DIP2B: variants seen among roughly 807,000 people sequenced by gnomAD.
The protein encoded by DIP2B is disco-interacting protein 2 homolog B.
Under a neutral mutation model 198.0 loss-of-function variants are expected in DIP2B, and 76 were observed. The observed-to-expected ratio is 0.38, with a 90% confidence interval of 0.32 to 0.46. The LOEUF (loss-of-function observed/expected upper bound fraction) is 0.46. DIP2B is among the 20% of genes least tolerant of loss of function. The pLI is 0.99. For synonymous variants in DIP2B, 701 were observed against 739.1 expected, an observed-to-expected ratio of 0.95 and a Z score of 0.84; for missense variants, 1,559 against 1,978.4, an observed-to-expected ratio of 0.79 and a Z score of 4.02.
intron 1 of DIP2B, among the ~76,000 whole-genome samples, chr12:50,611,271 A>G (rs1396809837): frequency 4.6e-5 from 7 of 152,122 alleles, no homozygotes; most frequent in African/African-American, 7.2e-5. Flanking sequence ...GTTTCACTCT[A>G]TTTTAAGTGC....
At chr12:50,514,982 C>G (rs1958050833) in intron 1 of DIP2B, among the ~76,000 whole-genome samples, 1 of 151,602 alleles carries the variant, frequency 6.6e-6, no homozygotes, top group Non-Finnish European at 1.5e-5. Context: ...AAAACACACA[C>G]AAAACTTTGC....
intron 1 of DIP2B, among the ~76,000 whole-genome samples, chr12:50,589,208 AAAAT>A (rs1269047504): frequency 9.9e-5 from 15 of 151,390 alleles, no homozygotes; most frequent in Admixed American, 3.3e-4. Flanking sequence ...AAATAAAATA[AAAAT>A]AAATAAATAA....
At chr12:50,714,627 A>G (rs1440658839) in intron 23 of DIP2B, 31 bp downstream of exon 23, 54 of 1,611,954 alleles carry the variant, frequency 3.3e-5, no homozygotes, top group Non-Finnish European at 3.7e-5. Context: ...ACCTGGCACT[A>G]AAATTCCAAC....
chr12:50,561,028 T>C (rs1958515663), intron 1 of DIP2B, among the ~76,000 whole-genome samples: 2 of 152,202 alleles, frequency 1.3e-5, no homozygotes, highest in African/African-American at 4.8e-5. Flanking sequence ...TAGCAACCTA[T>C]ATAAGAGTGC....
chr12:50,699,189 A>C lies in DIP2B; in HGVS notation c.2312A>C (p.Lys771Thr). ...MMYFGLAGVT[K>T]NTFEVIPVNS... ...TACTTTGGGCTTGCTGGTGTGACAA[A>C]AAATACATTTGAGGTACATGATATT... Residue 771 changes from lysine to threonine, a missense_variant, in exon 19 of 38, where the codon AAA (lysine) becomes ACA (threonine). Transcript: ENST00000301180. 1 of 1,614,136 alleles carries C rather than the reference A, an allele frequency of 6.2e-7. No homozygotes were observed. The highest frequency in any genetic ancestry group is 2.2e-5 in the East Asian group (1 of 44,882).
rs146629413 is a variant in DIP2B, at chr12:50,721,369, G to A, written c.3139G>A (p.Asp1047Asn). 2 of 1,614,052 alleles carry A rather than the reference G, an allele frequency of 1.2e-6. No individual in the cohort carries two copies. The highest frequency in any genetic ancestry group is 2.7e-5 in the African/African-American group (2 of 74,924). ...LGDKGHLNAG[D>N]NVVLLYPPGI... is the part of the protein sequence containing the mutation. ...TGATAAGGGACATCTAAATGCAGGA[G>A]ATAATGTGGTGTTGCTCTATCCACC... is the stretch of plus-strand genomic sequence containing the variant. Residue 1047 changes from aspartate (D) to asparagine (N), a missense_variant, in exon 26 of 38, where the codon GAT (aspartate) becomes AAT (asparagine). Physicochemically the swap from Asp to Asn is conservative, Grantham distance 23. Coordinates refer to ENST00000301180, the MANE Select transcript of DIP2B (RefSeq NM_173602.3).
intron 30 of DIP2B, 83 bp from the exon 31 acceptor site, chr12:50,731,286 A>G (rs1180183067): frequency 6.6e-7 from 1 of 1,512,168 alleles, no homozygotes. Context: ...CACTCAGTAA[A>G]TATCTGTGGA....
At chr12:50,674,781 T>C in intron 6 of DIP2B, 152 bp downstream of exon 6, 1 of 905,976 alleles carries the variant, frequency 1.1e-6, no homozygotes, top group Non-Finnish European at 1.7e-6. Flanking sequence ...TTTTCCATCA[T>C]CTGCACAGTG....
intron 3 of DIP2B, among the ~76,000 whole-genome samples, chr12:50,643,508 G>A (rs1938297744): frequency 6.6e-6 from 1 of 151,370 alleles, no homozygotes; most frequent in East Asian, 1.9e-4. Context: ...GGGAGAAAAA[G>A]TGATTTAAAA....
intron 1 of DIP2B, among the ~76,000 whole-genome samples, chr12:50,513,416 A>G (rs187870885): frequency 6.6e-6 from 1 of 152,334 alleles, no homozygotes; most frequent in East Asian, 1.9e-4. Context: ...AGATTCAGGC[A>G]AATGCCTGTG....
intron 2 of DIP2B, 87 bp downstream of exon 2, chr12:50,626,134 C>A: frequency 7.3e-7 from 1 of 1,366,406 alleles, no homozygotes; most frequent in Admixed American, 1.9e-5. Flanking sequence ...TTGTTTGTTC[C>A]TGTTTTTCCC....
At chr12:50,542,170 C>T (rs1381432785) in intron 1 of DIP2B, among the ~76,000 whole-genome samples, 1 of 149,932 alleles carries the variant, frequency 6.7e-6, no homozygotes, top group African/African-American at 2.5e-5. Flanking sequence ...ATGGCGTGAA[C>T]CCGGGAGGCA....
chr12:50,625,062 A>AT (rs1937906338), intron 1 of DIP2B, among the ~76,000 whole-genome samples: 1 of 152,140 alleles, frequency 6.6e-6, no homozygotes, highest in Non-Finnish European at 1.5e-5. Context: ...CCTGTTTTAT[A>AT]TATTAGGTTC....
chr12:50,736,928 C>T (rs988194751), intron 34 of DIP2B, 108 bp from the exon 35 acceptor site: 17 of 1,015,848 alleles, frequency 1.7e-5, no homozygotes, highest in East Asian at 9.7e-5. Flanking sequence ...ACAGCTGGCT[C>T]GCCATGTGTG....
chr12:50,684,251 C>T (rs1939094354), intron 10 of DIP2B, among the ~76,000 whole-genome samples: 2 of 152,130 alleles, frequency 1.3e-5, no homozygotes, highest in Non-Finnish European at 2.9e-5. Flanking sequence ...AAGGGATTTC[C>T]TCTAACTGTA....
At chr12:50,730,378 CTCTCTTTTTTT>C (rs1940019603) in intron 30 of DIP2B, among the ~76,000 whole-genome samples, 1 of 130,778 alleles carries the variant, frequency 7.6e-6, no homozygotes. Context: ...CTTTCTCTCT[CTCTCTTTTTTT>C]TTTTTTTTTA....
intron 8 of DIP2B, 53 bp from the exon 9 acceptor site, chr12:50,680,619 T>C: frequency 2.0e-6 from 3 of 1,521,808 alleles, no homozygotes; most frequent in Non-Finnish European, 2.7e-6. Context: ...TTCATTGAGG[T>C]AGACCTGTTT....
At chr12:50,695,582 C>G (rs2731444) in intron 15 of DIP2B, among the ~76,000 whole-genome samples, 145,700 of 152,242 alleles carry the variant, frequency 0.96, 70,058 homozygotes, top group East Asian at 1. Flanking sequence ...TTAGATTTGA[C>G]TGTCTTGGTA....
Position 50,744,745 on chromosome 12 carries a change from C to G in DIP2B, c.4637C>G (p.Pro1546Arg). Residue 1546 changes from proline (P) to arginine (R), a missense_variant, in exon 38 of 38, where the codon CCG becomes CGG. Physicochemically the swap from Pro to Arg is moderately radical, Grantham distance 103. Coordinates refer to ENST00000301180, the MANE Select transcript of DIP2B (RefSeq NM_173602.3). ...VVVVVDPGVI[P>R]INSRGEKQRM... is the part of the protein sequence containing the mutation. Reference sequence around the variant, plus strand: ...GTTGTGGTGGACCCAGGTGTCATCCCGATCAACTCCAGAGGAGAGAAGCAG... The same window carrying G: ...GTTGTGGTGGACCCAGGTGTCATCCGGATCAACTCCAGAGGAGAGAAGCAG... 6.2e-7 allele frequency: 1 copy of G among 1,614,082 alleles called. No homozygotes were observed.
Sources: allele counts gnomAD v4.1 joint callset (sites outside exome capture counted in the v4.1 genomes callset), GRCh38; gene constraint gnomAD v4.1.1; transcripts MANE v1.5; gene names NCBI Gene and HGNC (gene_info 2026-07-23, HGNC 2026-07-21).